The following LIPJ variants were observed in gnomAD, a reference collection of about 807,000 sequenced individuals.
The protein encoded by LIPJ is lipase family member J, also known as lipase member J.
LIPJ carries 33 observed loss-of-function variants against 39.8 expected under a neutral mutation model. The ratio of observed to expected loss-of-function variants is 0.83; its 90% CI spans 0.63 to 1.11. The LOEUF (loss-of-function observed/expected upper bound fraction) is 1.11. LIPJ is among the 50% of genes least tolerant of loss of function. The probability of loss-of-function intolerance (pLI) is 0.00; values close to 1 mark genes in which losing one functional copy is unlikely to be tolerated. For synonymous variants in LIPJ, 128 were observed against 139.2 expected (o/e 0.92, Z 0.57); for missense variants, 422 against 427.9 (o/e 0.99, Z 0.12).
At chr10:88,600,661 C>G (rs1851442364) in intron 8 of LIPJ, among the ~76,000 whole-genome samples, 1 of 152,150 alleles carries the variant, frequency 6.6e-6, no homozygotes, top group South Asian at 2.1e-4. Context: ...CACTCTATGA[C>G]TAGGAATGAT....
At chr10:88,613,614 A>G in the LIPJ span, among the ~76,000 whole-genome samples, 1 of 151,604 alleles carries the variant, frequency 6.6e-6, no homozygotes, top group African/African-American at 2.4e-5. Flanking sequence ...TTCCATTTAT[A>G]TGACATTCTC....
At chr10:88,616,036 A>G in the LIPJ span, among the ~76,000 whole-genome samples, 1 of 152,144 alleles carries the variant, frequency 6.6e-6, no homozygotes, top group Non-Finnish European at 1.5e-5. Flanking sequence ...ACATAGCAAG[A>G]CCCCATCTCT....
chr10:88,589,052 A>G (rs1441548495), intron 2 of LIPJ, among the ~76,000 whole-genome samples: 3 of 151,918 alleles, frequency 2.0e-5, no homozygotes, highest in Non-Finnish European at 4.4e-5. Context: ...GGAACAGTCC[A>G]GATTATGCCT....
At chr10:88,583,947 G>A, upstream of LIPJ, 1 of 162,152 alleles carries the variant, frequency 6.2e-6, no homozygotes, top group Non-Finnish European at 1.3e-5. Flanking sequence ...TGCCATTGCC[G>A]TTGTTTTTTT....
upstream of LIPJ, chr10:88,583,213 C>T (rs780663976): frequency 5.6e-6 from 9 of 1,612,710 alleles, no homozygotes; most frequent in African/African-American, 4.0e-5. Flanking sequence ...CAGCGATCCG[C>T]GCTGAGTCTC....
chr10:88,618,657 T>C, the LIPJ span: 1 of 153,618 alleles, frequency 6.5e-6, no homozygotes, highest in Non-Finnish European at 1.5e-5. Context: ...CATTGATACC[T>C]CTGACCCTGA....
At chr10:88,606,689 T>C (rs1436137062) in exon 11 of LIPJ, 5 of 1,610,590 alleles carry the variant, frequency 3.1e-6, no homozygotes, top group Non-Finnish European at 4.2e-6. Flanking sequence ...GTCTCCATTA[T>C]ACAACATGAC....
upstream of LIPJ, chr10:88,583,756 TC>T (rs1277721004): frequency 1.0e-5 from 10 of 968,410 alleles, no homozygotes; most frequent in Non-Finnish European, 1.2e-5. Context: ...TGTGTAACCT[TC>T]CTGAACCTCA....
intron 4 of LIPJ, chr10:88,592,163 T>G (rs747831766): frequency 6.6e-6 from 1 of 151,950 alleles, no homozygotes; most frequent in Non-Finnish European, 1.5e-5. Context: ...TTTCTTATAT[T>G]ATAGGGCATC....
At chr10:88,590,532 T>C in intron 2 of LIPJ, 53 bp from the exon 3 acceptor site, 1 of 562,728 alleles carries the variant, frequency 1.8e-6, no homozygotes, top group East Asian at 3.2e-5. Flanking sequence ...GTTTTATAAA[T>C]GGTATTATTT....
At chr10:88,592,524 T>C (rs1156637525) in intron 4 of LIPJ, 3 of 151,834 alleles carry the variant, frequency 2.0e-5, no homozygotes, top group Admixed American at 6.6e-5. Context: ...AATAATATAA[T>C]ATGACTCAGC....
chr10:88,598,940 T>A (rs1171622329), intron 8 of LIPJ, among the ~76,000 whole-genome samples: 1 of 127,894 alleles, frequency 7.8e-6, no homozygotes, highest in Admixed American at 8.0e-5. Context: ...AATATAATAT[T>A]TTATATTGTA....
the LIPJ span, among the ~76,000 whole-genome samples, chr10:88,613,356 T>C: frequency 2.0e-5 from 3 of 152,096 alleles, no homozygotes; most frequent in Non-Finnish European, 2.9e-5. Context: ...CCAGTGCTTA[T>C]GTCAGATCAC....
At chr10:88,613,800 A>ATATGTGTGTGTGTGTGTGTG in the LIPJ span, among the ~76,000 whole-genome samples, 1 of 74,156 alleles carries the variant, frequency 1.3e-5, no homozygotes, top group African/African-American at 4.8e-5. Flanking sequence ...ATATATATAT[A>ATATGTGTGTGTGTGTGTGTG]TGTGTGTGTG....
intron 4 of LIPJ, chr10:88,592,617 T>C (rs1288646052): frequency 1.3e-5 from 2 of 151,884 alleles, no homozygotes; most frequent in African/African-American, 2.4e-5. Context: ...ACCCTGAGAT[T>C]AGAGAGCCAG....
At chr10:88,622,061 A>G in the LIPJ span, among the ~76,000 whole-genome samples, 1 of 152,174 alleles carries the variant, frequency 6.6e-6, no homozygotes. Context: ...GTTGACTGCT[A>G]AGAAATCACA....
At chr10:88,604,376 C>T (rs1460457050) in intron 9 of LIPJ, among the ~76,000 whole-genome samples, 1 of 152,156 alleles carries the variant, frequency 6.6e-6, no homozygotes, top group Non-Finnish European at 1.5e-5. Flanking sequence ...ATAGTTTACA[C>T]TTTTAAAAGG....
chr10:88,610,893 A>G (rs1851742454), downstream of LIPJ, among the ~76,000 whole-genome samples: 1 of 152,270 alleles, frequency 6.6e-6, no homozygotes, highest in Non-Finnish European at 1.5e-5. Flanking sequence ...AATTAAGTCT[A>G]AAATCTTAAA....
At chr10:88,608,553 A>G (rs1163139569), downstream of LIPJ, among the ~76,000 whole-genome samples, 1 of 152,230 alleles carries the variant, frequency 6.6e-6, no homozygotes, top group East Asian at 1.9e-4. Flanking sequence ...CCAAGATGCT[A>G]AGAAGAAAGT....
Sources: gnomAD v4.1 joint callset for allele counts (sites outside exome capture counted in the v4.1 genomes callset) on GRCh38, gnomAD v4.1.1 for gene constraint, MANE v1.5 for transcripts, NCBI Gene and HGNC (gene_info 2026-07-23, HGNC 2026-07-21) for gene names.